MYO5C: variants seen among roughly 807,000 people sequenced by gnomAD.
MYO5C encodes myosin VC.
A neutral mutation model predicts 235.7 loss-of-function variants in MYO5C; 194 were observed. The ratio of observed to expected loss-of-function variants is 0.82; its 90% CI spans 0.73 to 0.93. The LOEUF (loss-of-function observed/expected upper bound fraction) is 0.93. Ranked by LOEUF, MYO5C falls within the 40% of genes least tolerant of loss-of-function variation. The probability of loss-of-function intolerance (pLI) is 0.00; values close to 1 mark genes in which losing one functional copy is unlikely to be tolerated. For missense variants in MYO5C, 2,038 were observed against 2,127.2 expected (o/e 0.96, Z 0.82); for synonymous variants, 707 against 754.8 (o/e 0.94, Z 1.04).
intron 22 of MYO5C, chr15:52,237,008 A>C (rs1462753249): frequency 1.3e-5 from 1 of 77,184 alleles, no homozygotes; most frequent in African/African-American, 3.1e-5. Flanking sequence ...GACTTTAGCC[A>C]AGGCTGCCCA....
At chr15:52,260,310 G>C (rs1254316447) in intron 10 of MYO5C, among the ~76,000 whole-genome samples, 38 of 152,348 alleles carry the variant, frequency 2.5e-4, no homozygotes, top group Non-Finnish European at 1.5e-5. Flanking sequence ...GGGGTAGGGG[G>C]GTGGTTGATC....
Position 52,246,024 on chromosome 15 carries a change from A to C in MYO5C, c.1998T>G (p.Ile666Met). ...CGCCGCAGGCTCGCAGCTGCTGAAC[A>C]ATTCTTTTGGAGTCAAATCTTTAAA... ...KLPFEFDSKR[I>M]VQQLRACGVL... The change falls in exon 17 of 41, where the codon ATT (isoleucine) becomes ATG (methionine). Residue 666 changes from isoleucine to methionine, a missense_variant. Ile to Met is a conservative substitution (Grantham distance 10). Coordinates refer to ENST00000261839, the MANE Select transcript of MYO5C (RefSeq NM_018728.4). 6.2e-7 allele frequency: 1 copy of C among 1,614,128 alleles called. No homozygotes were observed. The highest frequency in any genetic ancestry group is 8.5e-7 in the Non-Finnish European group (1 of 1,179,996).
rs1437312318 is a variant in MYO5C, at chr15:52,194,012, C to A, written c.5119G>T (p.Asp1707Tyr). 6.2e-7 allele frequency: 1 copy of A among 1,613,640 alleles called. No individual in the cohort carries two copies. The highest frequency in any genetic ancestry group is 2.2e-5 in the East Asian group (1 of 44,838). The change falls in exon 41 of 41, where the codon GAT (aspartate) becomes TAT (tyrosine). Residue 1707 changes from aspartate to tyrosine, a missense_variant. Transcript: ENST00000261839. ...GTGACTTGAAAGAGATATTTGGTAT[C>A]CAACATCAGCTGTGATGAATCCTCC... ...SREDSSQLML[D>Y]TKYLFQVTFP...
rs181170731 is a variant in MYO5C, at chr15:52,217,149, G to A, written c.3954+1370C>T. On this transcript the variant is annotated intron_variant, in intron 32 of 40. Transcript: ENST00000261839. Reference sequence around the variant, plus strand: ...GTCTCATTTGTGGGTAGAATCCGCCGGCTAATGTATAGAGATGATACTCTT... The same window carrying A: ...GTCTCATTTGTGGGTAGAATCCGCCAGCTAATGTATAGAGATGATACTCTT... Among the ~76,000 whole-genome samples, 15 of 152,296 alleles carry A rather than the reference G, an allele frequency of 9.8e-5. No individual in the cohort carries two copies. In the East Asian group the frequency reaches 2.9e-3, roughly 29 times the overall value.
chr15:52,270,863 A>G (rs1055859116), intron 7 of MYO5C, among the ~76,000 whole-genome samples: 3 of 152,170 alleles, frequency 2.0e-5, no homozygotes, highest in African/African-American at 7.2e-5. Context: ...AACTTCTCCA[A>G]AATTAGAGAG....
chr15:52,251,340 G>A (rs1267824762), intron 13 of MYO5C, 50 bp downstream of exon 13: 1 of 1,531,530 alleles, frequency 6.5e-7, no homozygotes, highest in Non-Finnish European at 8.8e-7. Flanking sequence ...TCCTTCTGGA[G>A]GCTGTACAGG....
rs1390897519 is a variant in MYO5C at position 52,272,817 on chromosome 15, C to T, written c.607-94G>A. On this transcript the variant is annotated intron_variant, in intron 5 of 40. Transcript: ENST00000261839. ...TTTTTAGTAAAAGGCAATCCTGTAC[C>T]CTAGGGGAAGGTCTGATTGGCAGAG... The T allele has an allele frequency of 1.5e-5, 19 of 1,284,206 alleles. 1 individual carries two copies. In the South Asian group the frequency reaches 2.4e-4, roughly 16 times the overall value. 79.6% of individuals were successfully genotyped at this position (1,284,206 alleles called of 1,614,324 possible).
chr15:52,261,483 C>T (rs2036693249), intron 9 of MYO5C, among the ~76,000 whole-genome samples: 1 of 152,238 alleles, frequency 6.6e-6, no homozygotes, highest in African/African-American at 2.4e-5. Context: ...GGATGCAGCC[C>T]TCTCTCTTCC....
Position 52,219,792 on chromosome 15 carries a change from T to C in MYO5C, c.3752A>G (p.His1251Arg). 2 of 1,612,734 alleles carry C rather than the reference T, an allele frequency of 1.2e-6. No homozygotes were observed. Among genetic ancestry groups the C allele is most frequent in the Non-Finnish European group, 1.7e-6 (2 of 1,179,106 alleles). ...TGTTCCTTCCTCCTCTTGACTGCGA[T>C]GTAACTGATTAGACAATTCTTCTAG... ...GKLEELSNQL[H>R]RSQEEEGTQR... The change falls in exon 31 of 41, where the codon CAT (histidine) becomes CGT (arginine). Residue 1251 changes from histidine (H) to arginine (R), a missense_variant. Coordinates refer to ENST00000261839, the MANE Select transcript of MYO5C (RefSeq NM_018728.4).
intron 20 of MYO5C, 85 bp from the exon 21 acceptor site, chr15:52,239,964 C>T (rs958455804): frequency 2.2e-6 from 3 of 1,392,436 alleles, no homozygotes; most frequent in African/African-American, 2.9e-5. Flanking sequence ...ATGCAACTAC[C>T]ACGGTGTAGA....
chr15:52,248,782 A>G lies in MYO5C; in HGVS notation c.1664T>C (p.Val555Ala). The G allele has an allele frequency of 6.2e-7, 1 of 1,608,328 alleles. No homozygotes were observed. Among genetic ancestry groups the G allele is most frequent in the Non-Finnish European group, 8.5e-7 (1 of 1,174,974 alleles). Residue 555 changes from valine to alanine, a missense_variant and splice_region_variant, in exon 14 of 41, where the codon GTA becomes GCA. By Grantham distance (64) the Val-to-Ala change is moderately conservative. Coordinates refer to ENST00000261839, the MANE Select transcript of MYO5C (RefSeq NM_018728.4). ...CAGGAAACCTTCACATTTATACTCT[A>G]CCTATACAGAGAAAGCAATTAATTA... Reference protein sequence around the residue: ...SFVIQHFADKVEYKCEGFLEK... With the variant: ...SFVIQHFADKAEYKCEGFLEK...
At position 52,254,313 on chromosome 15, in the gene MYO5C, C is replaced by A. The variant is rs528684072; in HGVS notation, c.1396-856G>T. On this transcript the variant is annotated intron_variant, in intron 11 of 40. Coordinates refer to ENST00000261839, the MANE Select transcript of MYO5C (RefSeq NM_018728.4). Reference sequence around the variant, plus strand: ...GGCAGTGAGACCAATGAGGACTCAGCCCGATGCTCTTGATGGCTGGGACTC... The same window carrying A: ...GGCAGTGAGACCAATGAGGACTCAGACCGATGCTCTTGATGGCTGGGACTC... Among the ~76,000 whole-genome samples, 7 of 152,112 alleles carry A rather than the reference C, an allele frequency of 4.6e-5. No individual in the cohort carries two copies. The East Asian group carries it at 1.4e-3, about 29-fold the overall frequency.
At position 52,194,062 on chromosome 15, in the gene MYO5C, TAGAATC is replaced by T; in HGVS notation, c.5077-14_5077-9del. ...CCGGCTATTTAGGAGAGCCTGAAAT[TAGAATC>T]AGAGGAAAAATGAGTAAGGAAACTA... On this transcript the variant is annotated splice_polypyrimidine_tract_variant and intron_variant, in intron 40 of 40. Transcript: ENST00000261839. 1.9e-6 allele frequency: 3 copies of T among 1,605,764 alleles called. No individual in the cohort carries two copies. The highest frequency in any genetic ancestry group is 1.7e-6 in the Non-Finnish European group (2 of 1,177,776).
intron 34 of MYO5C, among the ~76,000 whole-genome samples, chr15:52,212,618 C>A (rs1197922709): frequency 6.6e-6 from 1 of 152,184 alleles, no homozygotes; most frequent in East Asian, 1.9e-4. Flanking sequence ...GCCAGAAAAC[C>A]ACGTGGAAGG....
chr15:52,248,947 T>C (rs2036412267), intron 13 of MYO5C, among the ~76,000 whole-genome samples, 164 bp from the exon 14 acceptor site: 1 of 152,206 alleles, frequency 6.6e-6, no homozygotes, highest in Admixed American at 6.5e-5. Flanking sequence ...CCCCATTATG[T>C]ATAAGCTGGG....
At chr15:52,281,091 T>C (rs1366983906) in intron 2 of MYO5C, among the ~76,000 whole-genome samples, 1 of 152,234 alleles carries the variant, frequency 6.6e-6, no homozygotes, top group Non-Finnish European at 1.5e-5. Flanking sequence ...TCATACATAC[T>C]GACTTTCCTT....
At chr15:52,203,955 C>T (rs1447640219) in intron 38 of MYO5C, among the ~76,000 whole-genome samples, 6 of 152,196 alleles carry the variant, frequency 3.9e-5, no homozygotes, top group Non-Finnish European at 5.9e-5. Flanking sequence ...CCTTCCCTTA[C>T]GTCATTACCA....
At chr15:52,242,684 C>T (rs1324554700) in intron 19 of MYO5C, 1 of 152,648 alleles carries the variant, frequency 6.6e-6, no homozygotes, top group Non-Finnish European at 1.5e-5. Context: ...AGTTTACAAC[C>T]TCATGTACAG....
chr15:52,242,316 A>C (rs765794663), intron 19 of MYO5C, 103 bp from the exon 20 acceptor site: 19 of 1,247,282 alleles, frequency 1.5e-5, no homozygotes, highest in Non-Finnish European at 2.0e-5. Context: ...GAAGGTTCAA[A>C]TATTTTACAC....
Sources: allele counts gnomAD v4.1 joint callset (sites outside exome capture counted in the v4.1 genomes callset), GRCh38; gene constraint gnomAD v4.1.1; transcripts MANE v1.5; gene names NCBI Gene and HGNC (gene_info 2026-07-23, HGNC 2026-07-21).